PLEKHG1: variants seen among roughly 807,000 people sequenced by gnomAD.
PLEKHG1 encodes the protein pleckstrin homology domain-containing family G member 1.
Under a neutral mutation model 100.8 loss-of-function variants are expected in PLEKHG1, and 44 were observed. The ratio of observed to expected loss-of-function variants is 0.44; its 90% CI spans 0.34 to 0.56. The LOEUF (loss-of-function observed/expected upper bound fraction) is 0.56. PLEKHG1 is among the 20% of genes least tolerant of loss of function. The pLI is 0.01. For missense variants in PLEKHG1, 1,545 were observed against 1,720.9 expected, an observed-to-expected ratio of 0.90 and a Z score of 1.81; for synonymous variants, 640 against 662.5, an observed-to-expected ratio of 0.97 and a Z score of 0.52.
chr6:150,666,410 C>A (rs2128582881), intron 3 of PLEKHG1, among the ~76,000 whole-genome samples: 1 of 152,322 alleles, frequency 6.6e-6, no homozygotes, highest in East Asian at 1.9e-4. Flanking sequence ...GCTCCTGTCA[C>A]TTCCCCATCC....
chr6:150,840,687 A>G (rs1777484691), exon 16 of PLEKHG1: 3 of 1,614,230 alleles, frequency 1.9e-6, no homozygotes, highest in African/African-American at 1.3e-5. Context: ...TAATGTCTGC[A>G]GCGGCAACAC....
At chr6:150,786,561 T>G (rs1329427874) in intron 4 of PLEKHG1, 102 bp downstream of exon 5, 1 of 734,340 alleles carries the variant, frequency 1.4e-6, no homozygotes. Flanking sequence ...TCAGATAGAG[T>G]TAGCCACTAA....
chr6:150,808,151 A>G (rs13207305), intron 7 of PLEKHG1, among the ~76,000 whole-genome samples: 184 of 152,280 alleles, frequency 1.2e-3, no homozygotes, highest in Middle Eastern at 3.4e-3. Flanking sequence ...TATGCATTGT[A>G]TGCCTGTCAA....
chr6:150,723,473 C>T (rs1052447395), intron 1 of PLEKHG1, among the ~76,000 whole-genome samples: 5 of 152,120 alleles, frequency 3.3e-5, no homozygotes, highest in Admixed American at 1.3e-4. Context: ...CTCTAAGTTC[C>T]TTTTCTACCC....
chr6:150,749,007 T>C lies in PLEKHG1; in HGVS notation c.411+14915T>C, dbSNP rs578071006. Among the ~76,000 whole-genome samples, 8 of 152,200 alleles carry C rather than the reference T, an allele frequency of 5.3e-5. No homozygotes were observed. In the South Asian group the frequency reaches 1.7e-3, roughly 32 times the overall value. On this transcript the variant is annotated intron_variant, in intron 2 of 15. Transcript: ENST00000358517. Reference sequence around the variant, plus strand: ...AGATGTTGTGTTCCTTTTAAAATGGTATGAGGATTCAGTAAGTTAATGCAC... The same window carrying C: ...AGATGTTGTGTTCCTTTTAAAATGGCATGAGGATTCAGTAAGTTAATGCAC...
At chr6:150,794,358 G>A (rs1003326463) in intron 4 of PLEKHG1, among the ~76,000 whole-genome samples, 2 of 152,092 alleles carry the variant, frequency 1.3e-5, no homozygotes, top group African/African-American at 4.8e-5. Context: ...TGTAACAATG[G>A]TATTATGTTT....
In PLEKHG1 at chr6:150,786,246, G is replaced by T. The variant is rs936479140; in HGVS notation, c.513-144G>T. On this transcript the variant is annotated intron_variant, in intron 3 of 15. Coordinates refer to ENST00000358517, the Ensembl canonical transcript of PLEKHG1. ...GGGCAAGTCCCTTACCTAAGCCTTG[G>T]ATACAATGACAGCAGATCCTCAGTT... The T allele has an allele frequency of 4.4e-5, 28 of 636,296 alleles. No homozygotes were observed. In the Admixed American group the frequency reaches 7.6e-4, roughly 17 times the overall value. The allele number at this position is 636,296 out of a possible 1,614,324, so 39.4% of individuals were successfully genotyped here. A position where few individuals can be genotyped will look rare whatever the true frequency, so the allele number is the denominator to read the frequency against.
intron 1 of PLEKHG1, among the ~76,000 whole-genome samples, chr6:150,728,342 T>C (rs1011862180): frequency 3.3e-5 from 5 of 152,240 alleles, no homozygotes; most frequent in Admixed American, 3.3e-4. Flanking sequence ...ACCTATAATC[T>C]CAGCACTTTG....
At chr6:150,822,070 A>G (rs974738432) in intron 13 of PLEKHG1, among the ~76,000 whole-genome samples, 1 of 144,486 alleles carries the variant, frequency 6.9e-6, no homozygotes, top group Non-Finnish European at 1.5e-5. Context: ...CGAACTCCCA[A>G]CCTCAGGTGA....
At chr6:150,768,788 T>A (rs1263965333) in intron 3 of PLEKHG1, 50 bp downstream of exon 4, 1 of 1,092,616 alleles carries the variant, frequency 9.2e-7, no homozygotes, top group South Asian at 1.3e-5. Context: ...TTATGAAAAT[T>A]TCTCAAATGA....
chr6:150,739,277 G>T (rs137928341), intron 2 of PLEKHG1, among the ~76,000 whole-genome samples: 1 of 152,122 alleles, frequency 6.6e-6, no homozygotes, highest in South Asian at 2.1e-4. Context: ...GGGCTGAATT[G>T]TTAATTACAA....
At chr6:150,602,633 G>T (rs910192174) in intron 1 of PLEKHG1, among the ~76,000 whole-genome samples, 1 of 151,946 alleles carries the variant, frequency 6.6e-6, no homozygotes, top group Non-Finnish European at 1.5e-5. Flanking sequence ...GAAATGATTC[G>T]TATCAGTGTT....
At chr6:150,670,660 A>T (rs1779552956) in intron 3 of PLEKHG1, among the ~76,000 whole-genome samples, 1 of 152,228 alleles carries the variant, frequency 6.6e-6, no homozygotes, top group Non-Finnish European at 1.5e-5. Context: ...ACCCTGGGCC[A>T]CATGAGCATA....
intron 2 of PLEKHG1, among the ~76,000 whole-genome samples, chr6:150,644,352 T>TTTTTTTTTTTTTTTTTTTTTTG (rs1582872452): frequency 1.3e-5 from 2 of 148,360 alleles, no homozygotes; most frequent in East Asian, 4.1e-4. Context: ...TTTTTTTTTT[T>TTTTTTTTTTTTTTTTTTTTTTG]GTTACAGAGT....
chr6:150,707,178 T>C (rs1781057799), intron 3 of PLEKHG1, among the ~76,000 whole-genome samples: 1 of 151,556 alleles, frequency 6.6e-6, no homozygotes, highest in Non-Finnish European at 1.5e-5. Context: ...CTAATTTTTA[T>C]ATTTTTAGTA....
At chr6:150,659,472 A>G (rs149909660) in intron 3 of PLEKHG1, among the ~76,000 whole-genome samples, 14 of 152,300 alleles carry the variant, frequency 9.2e-5, no homozygotes, top group African/African-American at 2.2e-4. Flanking sequence ...TTATTTGCCA[A>G]CCTCACCTAC....
intron 1 of PLEKHG1, among the ~76,000 whole-genome samples, chr6:150,622,618 G>A (rs1777347004): frequency 6.6e-6 from 1 of 152,084 alleles, no homozygotes; most frequent in African/African-American, 2.4e-5. Context: ...CCCCCTCCCA[G>A]TGTAGACAGA....
At chr6:150,777,324 A>G (rs1012739541) in intron 3 of PLEKHG1, among the ~76,000 whole-genome samples, 1 of 150,614 alleles carries the variant, frequency 6.6e-6, no homozygotes, top group African/African-American at 2.5e-5. Context: ...GTGCAGTTGC[A>G]CATTACTCAC....
intron 2 of PLEKHG1, among the ~76,000 whole-genome samples, chr6:150,750,456 T>G (rs1460622816): frequency 6.6e-6 from 1 of 152,110 alleles, no homozygotes; most frequent in Non-Finnish European, 1.5e-5. Flanking sequence ...TGTTGAGATT[T>G]AGTACCCTAA....
Sources: gnomAD v4.1 joint callset for allele counts (sites outside exome capture counted in the v4.1 genomes callset) on GRCh38, gnomAD v4.1.1 for gene constraint, MANE v1.5 for transcripts, NCBI Gene and HGNC (gene_info 2026-07-23, HGNC 2026-07-21) for gene names.